Variants in SLC26A5 observed in about 807,000 individuals in gnomAD.
The protein encoded by SLC26A5 is prestin.
In SLC26A5, 51 loss-of-function variants were observed where a neutral mutation model predicts 81.0. The observed-to-expected ratio is 0.63, with a 90% CI of 0.50 to 0.80. SLC26A5 has a LOEUF of 0.80. Among genes scored for constraint, SLC26A5 ranks in the 30% least tolerant of loss-of-function variants. The pLI is 0.00. For synonymous variants in SLC26A5, 325 were observed against 332.8 expected, an observed-to-expected ratio of 0.98 and a Z score of 0.25; for missense variants, 771 against 905.8, an observed-to-expected ratio of 0.85 and a Z score of 1.91.
At chr7:103,366,533 G>A (rs1354922909) in intron 19 of SLC26A5, among the ~76,000 whole-genome samples, 1 of 152,144 alleles carries the variant, frequency 6.6e-6, no homozygotes, top group Non-Finnish European at 1.5e-5. Flanking sequence ...AATGAGTATT[G>A]CTTTTGTCAT....
intron 1 of SLC26A5, among the ~76,000 whole-genome samples, chr7:103,444,098 G>A (rs972830188): frequency 6.6e-6 from 1 of 152,164 alleles, no homozygotes; most frequent in African/African-American, 2.4e-5. Context: ...CCTGGAACTA[G>A]TCTTCAAAAG....
At chr7:103,431,323 CT>C (rs11372947) in intron 2 of SLC26A5, among the ~76,000 whole-genome samples, 36 of 147,728 alleles carry the variant, frequency 2.4e-4, no homozygotes, top group South Asian at 4.3e-4. Context: ...TTCTTTCTTT[CT>C]TTTTTTTTTT....
At chr7:103,437,915 G>T (rs1243694189) in intron 2 of SLC26A5, among the ~76,000 whole-genome samples, 1 of 152,184 alleles carries the variant, frequency 6.6e-6, no homozygotes, top group Non-Finnish European at 1.5e-5. Flanking sequence ...ATGAAAATTT[G>T]CATTGGTTTC....
Position 103,389,394 on chromosome 7 carries a change from G to C in SLC26A5, c.1342C>G (p.Leu448Val). Residue 448 changes from leucine (L) to valine (V), a missense_variant, in exon 13 of 20, where the codon CTG becomes GTG. Physicochemically the swap from Leu to Val is conservative, Grantham distance 32 (BLOSUM62 1). Coordinates refer to ENST00000306312, the MANE Select transcript of SLC26A5 (RefSeq NM_198999.3). ...GAGAACTGCATAAACATTCCCTTCA[G>C]GTTGACAATCACAATGGCCGACAGC... Reference protein sequence around the residue: ...AVLSAIVIVNLKGMFMQFSDL... With the variant: ...AVLSAIVIVNVKGMFMQFSDL... 6.2e-7 allele frequency: 1 copy of C among 1,614,040 alleles called. No individual in the cohort carries two copies. Among genetic ancestry groups the C allele is most frequent in the Non-Finnish European group, 8.5e-7 (1 of 1,179,980 alleles).
chr7:103,356,122 TC>T (rs1820018365), intron 19 of SLC26A5, among the ~76,000 whole-genome samples: 1 of 152,138 alleles, frequency 6.6e-6, no homozygotes, highest in African/African-American at 2.4e-5. Flanking sequence ...CTGTGTATCT[TC>T]CTGTATTTGC....
intron 2 of SLC26A5, among the ~76,000 whole-genome samples, chr7:103,442,346 C>T (rs568977453): frequency 6.6e-6 from 1 of 152,216 alleles, no homozygotes; most frequent in South Asian, 2.1e-4. Flanking sequence ...CTATGTTGGC[C>T]AAGCTGGTCT....
intron 9 of SLC26A5, 90 bp downstream of exon 9, chr7:103,397,842 T>G: frequency 1.0e-6 from 1 of 987,934 alleles, no homozygotes; most frequent in Non-Finnish European, 1.6e-6. Flanking sequence ...AAAAGATTAT[T>G]TTTCATTGCA....
At chr7:103,374,623 C>T (rs1327586959) in intron 19 of SLC26A5, 31 bp from the exon 20 acceptor site, 1 of 1,602,216 alleles carries the variant, frequency 6.2e-7, no homozygotes. Flanking sequence ...AATTAGTCCA[C>T]ACTCTGGATA....
chr7:103,366,687 G>A (rs922653997), intron 19 of SLC26A5, among the ~76,000 whole-genome samples: 1 of 152,176 alleles, frequency 6.6e-6, no homozygotes, highest in African/African-American at 2.4e-5. Flanking sequence ...ATCATCTAAT[G>A]TCATAAGAAA....
chr7:103,424,315 T>C (rs1321787429), intron 2 of SLC26A5, among the ~76,000 whole-genome samples: 1 of 152,218 alleles, frequency 6.6e-6, no homozygotes, highest in Admixed American at 6.5e-5. Flanking sequence ...TCCATTCTTC[T>C]ATTCTAATAG....
chr7:103,371,994 C>T (rs563569759), downstream of SLC26A5, among the ~76,000 whole-genome samples: 69 of 152,246 alleles, frequency 4.5e-4, no homozygotes, highest in African/African-American at 1.5e-3. Context: ...CGCACCTGGC[C>T]GAAGTATTTT....
chr7:103,377,833 T>A (rs753946043), intron 17 of SLC26A5, 34 bp from the exon 18 acceptor site: 2 of 1,591,440 alleles, frequency 1.3e-6, no homozygotes, highest in South Asian at 2.2e-5. Context: ...CAGAATTTTA[T>A]GAACAACTCA....
Position 103,376,842 on chromosome 7 carries a change from G to A in SLC26A5, c.2007C>T (p.Asp669=), listed in dbSNP as rs781120253. 2.5e-6 allele frequency: 4 copies of A among 1,603,106 alleles called. No homozygotes were observed. The highest frequency in any genetic ancestry group is 2.6e-6 in the Non-Finnish European group (3 of 1,170,502). Residue 669 remains aspartate, a synonymous_variant, in exon 19 of 20, where the codon GAC becomes GAT. Transcript: ENST00000306312. ...CTGCTAAGTATACATATATACCGACGTCTCCATATTCTTTTACAATCTGTA... is the reference window on the plus strand; with the variant it reads ...CTGCTAAGTATACATATATACCGACATCTCCATATTCTTTTACAATCTGTA... The part of the protein sequence containing the change: ...TLAGIVKEYG[D]VGIYVYLAGC...
downstream of SLC26A5, among the ~76,000 whole-genome samples, chr7:103,374,034 G>A (rs1283108579): frequency 6.6e-6 from 1 of 152,076 alleles, no homozygotes; most frequent in African/African-American, 2.4e-5. Flanking sequence ...CAAAAACAAA[G>A]AACCACTACT....
intron 17 of SLC26A5, 78 bp downstream of exon 17, chr7:103,378,368 A>T: frequency 7.2e-7 from 1 of 1,392,816 alleles, no homozygotes; most frequent in Non-Finnish European, 1.0e-6. Flanking sequence ...TGCTGTGTTT[A>T]AACTTCAGTC....
At position 103,376,901 on chromosome 7, in the gene SLC26A5, T is replaced by C. The variant is rs758822080; in HGVS notation, c.1987-39A>G. On this transcript the variant is annotated intron_variant, in intron 18 of 19. Transcript: ENST00000306312. ...GAAATAAAATTTAGTTTCTCTTTAC[T>C]CTGTGCCAGATGAAAGTCTCTTTTT... 6.6e-6 allele frequency: 9 copies of C among 1,369,316 alleles called. 1 individual carries two copies. The highest frequency in any genetic ancestry group is 8.3e-6 in the Non-Finnish European group (8 of 958,436). 84.8% of individuals were successfully genotyped at this position (1,369,316 alleles called of 1,614,324 possible).
intron 1 of SLC26A5, among the ~76,000 whole-genome samples, chr7:103,443,453 C>T (rs1221188943): frequency 6.6e-6 from 1 of 152,174 alleles, no homozygotes; most frequent in South Asian, 2.1e-4. Context: ...AATTTTTGAA[C>T]TCAGCCATTC....
At chr7:103,373,743 G>A (rs764103406), downstream of SLC26A5, among the ~76,000 whole-genome samples, 8 of 152,064 alleles carry the variant, frequency 5.3e-5, no homozygotes, top group Non-Finnish European at 8.8e-5. Context: ...AAGAAAAATC[G>A]GTTATAAAAC....
chr7:103,445,423 TCTATGATGGC>T (rs1721765810), intron 1 of SLC26A5: 1 of 152,240 alleles, frequency 6.6e-6, no homozygotes, highest in South Asian at 2.1e-4. Context: ...TGTCAGAGCC[TCTATGATGGC>T]AGAGCACCTG....
Sources: allele counts gnomAD v4.1 joint callset (sites outside exome capture counted in the v4.1 genomes callset), GRCh38; gene constraint gnomAD v4.1.1; transcripts MANE v1.5; gene names NCBI Gene and HGNC (gene_info 2026-07-23, HGNC 2026-07-21).